LPAR6: variants seen among roughly 807,000 people sequenced by gnomAD.
LPAR6 encodes G-protein coupled purinergic receptor P2Y5.
In LPAR6, 17 loss-of-function variants were observed where a neutral mutation model predicts 22.0. The ratio of observed to expected loss-of-function variants is 0.77; its 90% CI spans 0.53 to 1.16. The LOEUF is 1.16. Ranked by LOEUF, LPAR6 falls within the 50% of genes most tolerant of loss-of-function variation. LPAR6 has a pLI of 0.00. For synonymous variants in LPAR6, 136 were observed against 139.8 expected (o/e 0.97, Z 0.19); for missense variants, 384 against 406.9 (o/e 0.94, Z 0.48).
At chr13:48,436,707 A>G (rs1566226545) in intron 1 of LPAR6, among the ~76,000 whole-genome samples, 1 of 152,142 alleles carries the variant, frequency 6.6e-6, no homozygotes, top group Non-Finnish European at 1.5e-5. Flanking sequence ...CTGCAGAAAT[A>G]TTAGTATTAA....
At chr13:48,430,770 A>C (rs71428271), upstream of LPAR6, among the ~76,000 whole-genome samples, 119,433 of 150,464 alleles carry the variant, frequency 0.79, 52,298 homozygotes, top group Non-Finnish European at 0.97. Flanking sequence ...ACAAACAAAA[A>C]AAAAAAACAG....
At chr13:48,416,774 G>A (rs2138223118), upstream of LPAR6, among the ~76,000 whole-genome samples, 1 of 152,294 alleles carries the variant, frequency 6.6e-6, no homozygotes, top group East Asian at 1.9e-4. Flanking sequence ...CATTACTGAG[G>A]CTTGAGTAGG....
chr13:48,412,391 A>G lies in LPAR6; in HGVS notation c.33T>C (p.Tyr11=). 18 of 1,614,094 alleles carry G rather than the reference A, an allele frequency of 1.1e-5. No homozygotes were observed. Among genetic ancestry groups the G allele is most frequent in the Admixed American group, 1.7e-5 (1 of 60,032 alleles). MVSVNSSHCF[Y]NDSFKYTLYG... is the part of the protein sequence containing the mutation. ...ACAAAGTGTACTTAAAGGAGTCATT[A>G]TAGAAGCAGTGGGAGCTGTTAACGC... Residue 11 remains tyrosine (Y), a synonymous_variant, in exon 1 of 1, where the codon TAT becomes TAC. Transcript: ENST00000620633.
chr13:48,436,358 T>C (rs555924324), intron 1 of LPAR6, among the ~76,000 whole-genome samples: 3 of 152,268 alleles, frequency 2.0e-5, no homozygotes, highest in South Asian at 4.1e-4. Flanking sequence ...GTTAAAATCA[T>C]GAGGCCAATT....
intron 1 of LPAR6, among the ~76,000 whole-genome samples, chr13:48,396,792 A>G (rs191755228): frequency 1.5e-4 from 23 of 152,316 alleles, no homozygotes; most frequent in Non-Finnish European, 3.1e-4. Context: ...AACTTAAACA[A>G]ATTTACAGGA....
intron 1 of LPAR6, among the ~76,000 whole-genome samples, chr13:48,392,762 CTCTCTTT>C (rs1948620656): frequency 2.0e-5 from 3 of 151,728 alleles, no homozygotes; most frequent in Admixed American, 1.3e-4. Flanking sequence ...CTCTCTCTCT[CTCTCTTT>C]TTTTTAAGAG....
intron 1 of LPAR6, among the ~76,000 whole-genome samples, chr13:48,397,790 A>C (rs1202687639): frequency 6.6e-6 from 1 of 152,216 alleles, no homozygotes; most frequent in African/African-American, 2.4e-5. Flanking sequence ...ACAAAATTTT[A>C]AGCTTTTTTG....
At chr13:48,430,504 G>A (rs1345962514), upstream of LPAR6, among the ~76,000 whole-genome samples, 1 of 152,082 alleles carries the variant, frequency 6.6e-6, no homozygotes, top group African/African-American at 2.4e-5. Context: ...ACTTTGGGAG[G>A]CGAGACAGGT....
At chr13:48,414,048 A>T (rs1948864709), upstream of LPAR6, among the ~76,000 whole-genome samples, 1 of 152,182 alleles carries the variant, frequency 6.6e-6, no homozygotes, top group Non-Finnish European at 1.5e-5. Flanking sequence ...TTTATATTTA[A>T]AGTATACTCA....
At chr13:48,389,741 T>G (rs1480322081) in exon 2 of LPAR6, 1 of 152,338 alleles carries the variant, frequency 6.6e-6, no homozygotes, top group Non-Finnish European at 1.5e-5. Context: ...CGCTCCTTGG[T>G]GCACACTCAG....
chr13:48,407,828 G>A (rs2138190771), downstream of LPAR6, among the ~76,000 whole-genome samples: 1 of 152,196 alleles, frequency 6.6e-6, no homozygotes, highest in South Asian at 2.1e-4. Context: ...TTATAAAATT[G>A]TTTCTACACA....
Position 48,443,394 on chromosome 13 carries a change from A to G in LPAR6, c.-1474+1159T>C, listed in dbSNP as rs551030401. 1.5e-4 allele frequency among the ~76,000 whole-genome samples: 23 copies of G among 152,214 alleles called. No homozygotes were observed. The South Asian group carries it at 4.3e-3, about 29-fold the overall frequency. ...TTAAAAAGAAGTTTAAAAGAGTTTT[A>G]GTTTTAATATCTATAAACTTCAAAT... is the stretch of plus-strand genomic sequence containing the variant. On this transcript the variant is annotated intron_variant, in intron 1 of 6. Transcript: ENST00000378434.
At chr13:48,394,962 CT>C (rs1948636678) in intron 1 of LPAR6, among the ~76,000 whole-genome samples, 1 of 152,224 alleles carries the variant, frequency 6.6e-6, no homozygotes, top group African/African-American at 2.4e-5. Flanking sequence ...GAAACACCTC[CT>C]GGCAGGAATC....
downstream of LPAR6, among the ~76,000 whole-genome samples, chr13:48,409,657 T>G (rs1322368266): frequency 7.5e-6 from 1 of 133,224 alleles, no homozygotes; most frequent in Non-Finnish European, 1.5e-5. Flanking sequence ...CTTGGCTCAC[T>G]GCAACCTCTG....
chr13:48,425,409 A>G (rs1430208262), intron 1 of LPAR6, among the ~76,000 whole-genome samples: 1 of 152,234 alleles, frequency 6.6e-6, no homozygotes, highest in Non-Finnish European at 1.5e-5. Context: ...CATACAATAT[A>G]TGCCTTGTGG....
chr13:48,438,805 A>G (rs1566227410), intron 1 of LPAR6, among the ~76,000 whole-genome samples: 2 of 152,178 alleles, frequency 1.3e-5, no homozygotes, highest in African/African-American at 4.8e-5. Flanking sequence ...AATAAATGTT[A>G]TCTGTTAAGC....
chr13:48,409,269 G>T, downstream of LPAR6, among the ~76,000 whole-genome samples: 2 of 147,590 alleles, frequency 1.4e-5, no homozygotes, highest in South Asian at 2.1e-4. Context: ...GATGTATTTT[G>T]CTTTAGGTTT....
intron 1 of LPAR6, among the ~76,000 whole-genome samples, chr13:48,403,055 T>C (rs1028494038): frequency 3.9e-5 from 6 of 152,236 alleles, no homozygotes; most frequent in Admixed American, 2.6e-4. Context: ...TAACAATAAT[T>C]GGTAAAATTA....
chr13:48,402,785 CTT>C (rs573075285), intron 1 of LPAR6, among the ~76,000 whole-genome samples: 39 of 152,156 alleles, frequency 2.6e-4, no homozygotes, highest in Non-Finnish European at 4.3e-4. Context: ...GTGTTTCAGT[CTT>C]TGTCATCTCA....
Sources: gnomAD v4.1 joint callset for allele counts (sites outside exome capture counted in the v4.1 genomes callset) on GRCh38, gnomAD v4.1.1 for gene constraint, MANE v1.5 for transcripts, NCBI Gene and HGNC (gene_info 2026-07-23, HGNC 2026-07-21) for gene names.